The following TAFA5 variants were observed in gnomAD, a reference collection of about 807,000 sequenced individuals.
TAFA5 encodes the protein chemokine-like protein TAFA-5.
A neutral mutation model predicts 15.3 loss-of-function variants in TAFA5; 6 were observed. The ratio of observed to expected loss-of-function variants is 0.39; its 90% confidence interval spans 0.21 to 0.77. TAFA5 has a LOEUF of 0.77. TAFA5 is among the 30% of genes least tolerant of loss of function. The pLI is 0.41. For synonymous variants in TAFA5, 103 were observed against 80.7 expected (o/e 1.28, Z -1.48); for missense variants, 161 against 193.1 (o/e 0.83, Z 0.98).
rs138684409 is a variant in TAFA5 at position 48,653,763 on chromosome 22, C to G, written c.262+7017C>G. On this transcript the variant is annotated intron_variant, in intron 2 of 3. Transcript: ENST00000402357. ...TTCTGCTGCTGAGAACATGAAGTTC[C>G]TTGAATGTCCCCCTCTGTGAAGCGC... 9.2e-3 allele frequency among the ~76,000 whole-genome samples: 1,405 copies of G among 152,262 alleles called. 19 individuals carry two copies. Among genetic ancestry groups the G allele is most frequent in the African/African-American group, 0.032 (1,329 of 41,554 alleles).
In TAFA5 at chr22:48,742,488, C is replaced by T. The variant is rs1221322181; in HGVS notation, c.391-7351C>T. Reference sequence around the variant, plus strand: ...TGGCGGAGCTGGCGGCGCAGTGGAGCGGGCGTTGTGGTGGACCCGGTGGCG... The same window carrying T: ...TGGCGGAGCTGGCGGCGCAGTGGAGTGGGCGTTGTGGTGGACCCGGTGGCG... On this transcript the variant is annotated intron_variant, in intron 3 of 3. Transcript: ENST00000402357. The surrounding 1 kb of genome is among the most constrained non-coding windows in gnomAD (Gnocchi z 6.2). Among the ~76,000 whole-genome samples the T allele has an allele frequency of 3.3e-5, 5 of 152,070 alleles. No individual in the cohort carries two copies. Among genetic ancestry groups the T allele is most frequent in the South Asian group, 2.1e-4 (1 of 4,818 alleles).
intron 1 of TAFA5, among the ~76,000 whole-genome samples, chr22:48,603,276 C>A (rs930968625): frequency 3.9e-5 from 6 of 152,252 alleles, no homozygotes; most frequent in Non-Finnish European, 5.9e-5. Flanking sequence ...CCGGAGGCTG[C>A]TCTGCCCACA....
At chr22:48,664,034 A>G (rs939788074) in intron 2 of TAFA5, among the ~76,000 whole-genome samples, 5 of 152,220 alleles carry the variant, frequency 3.3e-5, no homozygotes, top group East Asian at 1.9e-4. Flanking sequence ...TCTTCTATCC[A>G]TGAAGGAAAC....
At chr22:48,583,921 A>ACACACACACCACACAC (rs1181460153) in intron 1 of TAFA5, among the ~76,000 whole-genome samples, 1 of 125,468 alleles carries the variant, frequency 8.0e-6, no homozygotes, top group Non-Finnish European at 1.7e-5. Context: ...CTCATACACC[A>ACACACACACCACACAC]CACACACACC....
At chr22:48,610,551 GCAGGCAGC>G (rs1569046588) in intron 1 of TAFA5, among the ~76,000 whole-genome samples, 5 of 137,848 alleles carry the variant, frequency 3.6e-5, no homozygotes, top group Non-Finnish European at 8.3e-5. Flanking sequence ...GGGCAGGCTC[GCAGGCAGC>G]TCGGGACCAC....
chr22:48,632,997 C>T (rs1206491245), intron 1 of TAFA5, among the ~76,000 whole-genome samples: 3 of 152,200 alleles, frequency 2.0e-5, no homozygotes, highest in Non-Finnish European at 1.5e-5. Flanking sequence ...CAGCCGTCCT[C>T]AGTCCTGGCC....
intron 1 of TAFA5, among the ~76,000 whole-genome samples, chr22:48,585,640 C>T (rs1924323899): frequency 6.6e-6 from 1 of 150,484 alleles, no homozygotes; most frequent in South Asian, 2.1e-4. Flanking sequence ...AGACATCACA[C>T]ACACACTATG....
At chr22:48,496,158 C>T (rs1423144206) in intron 1 of TAFA5, among the ~76,000 whole-genome samples, 4 of 152,244 alleles carry the variant, frequency 2.6e-5, no homozygotes, top group South Asian at 2.1e-4. Context: ...GCATCCCCAT[C>T]CCCTCTCCAG....
chr22:48,712,960 C>G (rs1283173670), intron 3 of TAFA5, among the ~76,000 whole-genome samples: 1 of 152,236 alleles, frequency 6.6e-6, no homozygotes, highest in African/African-American at 2.4e-5. Context: ...GGGCTGCAAA[C>G]CACACATGCA....
Position 48,494,895 on chromosome 22 carries a change from G to A in TAFA5, c.112+5191G>A, listed in dbSNP as rs188502446. Among the ~76,000 whole-genome samples, 278 of 152,322 alleles carry A rather than the reference G, an allele frequency of 1.8e-3. 2 individuals carry two copies. The highest frequency in any genetic ancestry group is 6.2e-3 in the African/African-American group (259 of 41,568). On this transcript the variant is annotated intron_variant, in intron 1 of 3. Transcript: ENST00000402357. ...AGAGGGCTCCCTGAGGCTTTGTAGC[G>A]TTTACTTATTTATTAAAATGGCTGG...
chr22:48,577,330 C>T (rs1199406583), intron 1 of TAFA5, among the ~76,000 whole-genome samples: 1 of 152,216 alleles, frequency 6.6e-6, no homozygotes, highest in African/African-American at 2.4e-5. Context: ...CCCAGACACA[C>T]TCCTGGAAAC....
intron 1 of TAFA5, among the ~76,000 whole-genome samples, chr22:48,642,794 GTGTT>G (rs972873350): frequency 1.4e-4 from 22 of 152,102 alleles, no homozygotes; most frequent in Non-Finnish European, 3.1e-4. Flanking sequence ...TGTGGGGGGT[GTGTT>G]TGGTCTGTGT....
chr22:48,614,563 C>T (rs1925528990), intron 1 of TAFA5, among the ~76,000 whole-genome samples: 1 of 152,164 alleles, frequency 6.6e-6, no homozygotes, highest in Non-Finnish European at 1.5e-5. Context: ...CCCCAGGGCT[C>T]CTTGCCTCGT....
At chr22:48,586,285 C>G (rs1203013028) in intron 1 of TAFA5, among the ~76,000 whole-genome samples, 1 of 152,246 alleles carries the variant, frequency 6.6e-6, no homozygotes, top group South Asian at 2.1e-4. Flanking sequence ...GCATTGCACA[C>G]GCACCTCCTG....
chr22:48,744,055 G>A (rs1042149186), intron 3 of TAFA5, among the ~76,000 whole-genome samples: 1 of 152,230 alleles, frequency 6.6e-6, no homozygotes, highest in African/African-American at 2.4e-5. Flanking sequence ...CGCCTGCCAA[G>A]GCTGTTCTGT....
intron 3 of TAFA5, among the ~76,000 whole-genome samples, chr22:48,720,565 G>A (rs922727863): frequency 8.5e-5 from 13 of 152,142 alleles, no homozygotes; most frequent in African/African-American, 2.9e-4. Context: ...ACATCCCACC[G>A]TGCATAGCCA....
chr22:48,580,467 T>C (rs1231003765), intron 1 of TAFA5, among the ~76,000 whole-genome samples: 1 of 152,210 alleles, frequency 6.6e-6, no homozygotes, highest in East Asian at 1.9e-4. Context: ...AAATATTTGC[T>C]GAATGCGTAC....
chr22:48,595,369 G>C (rs930703892), intron 1 of TAFA5, among the ~76,000 whole-genome samples: 2 of 152,234 alleles, frequency 1.3e-5, no homozygotes, highest in Admixed American at 6.5e-5. Context: ...GTGCCCCAAG[G>C]CTCCAACAGG....
chr22:48,699,310 C>T (rs554917602), intron 2 of TAFA5, among the ~76,000 whole-genome samples: 7 of 152,260 alleles, frequency 4.6e-5, no homozygotes, highest in South Asian at 4.2e-4. Context: ...GGACTATGAA[C>T]GCACACAAAG....
Sources: allele counts gnomAD v4.1 joint callset (sites outside exome capture counted in the v4.1 genomes callset), GRCh38; gene constraint gnomAD v4.1.1; non-coding constraint Gnocchi (gnomAD v3.1); transcripts MANE v1.5; gene names NCBI Gene and HGNC (gene_info 2026-07-23, HGNC 2026-07-21).